Variants in SLX4IP observed in about 807,000 individuals in gnomAD.
SLX4IP encodes the protein protein SLX4IP.
In SLX4IP, 34 loss-of-function variants were observed where a neutral mutation model predicts 32.9. The observed-to-expected ratio is 1.03, with a 90% CI of 0.79 to 1.38. The LOEUF (loss-of-function observed/expected upper bound fraction) is 1.38, where lower values mean the gene tolerates loss of function less well. Ranked by LOEUF, SLX4IP falls within the 40% of genes most tolerant of loss-of-function variation. SLX4IP has a pLI of 0.00. For synonymous variants in SLX4IP, 172 were observed against 171.7 expected (o/e 1.00, Z -0.01); for missense variants, 444 against 479.0 (o/e 0.93, Z 0.68).
chr20:10,550,736 G>A (rs941499638), intron 2 of SLX4IP, among the ~76,000 whole-genome samples: 2 of 152,160 alleles, frequency 1.3e-5, no homozygotes, highest in Non-Finnish European at 1.5e-5. Context: ...ACTCTTTTCC[G>A]TCTCCAAAGC....
intron 2 of SLX4IP, among the ~76,000 whole-genome samples, chr20:10,503,634 A>C (rs2065736787): frequency 6.6e-6 from 1 of 152,236 alleles, no homozygotes; most frequent in Admixed American, 6.5e-5. Context: ...GTTGTAACAA[A>C]CAACCACAAA....
intron 1 of SLX4IP, among the ~76,000 whole-genome samples, chr20:10,455,126 G>T (rs1234820856): frequency 1.3e-5 from 2 of 151,860 alleles, no homozygotes; most frequent in Non-Finnish European, 2.9e-5. Context: ...ATATATTCTG[G>T]ACATGAGTCC....
intron 2 of SLX4IP, among the ~76,000 whole-genome samples, chr20:10,491,859 AG>A (rs1217410389): frequency 6.6e-6 from 1 of 152,212 alleles, no homozygotes; most frequent in Non-Finnish European, 1.5e-5. Context: ...TTACCCCAGA[AG>A]TAACAGTTTT....
chr20:10,481,412 G>T (rs893732042), intron 2 of SLX4IP, among the ~76,000 whole-genome samples: 1 of 152,000 alleles, frequency 6.6e-6, no homozygotes, highest in South Asian at 2.1e-4. Flanking sequence ...CTTCTTCAGG[G>T]ATCTGTTCTC....
At chr20:10,549,048 C>T (rs993956573) in intron 2 of SLX4IP, among the ~76,000 whole-genome samples, 6 of 152,186 alleles carry the variant, frequency 3.9e-5, no homozygotes, top group Non-Finnish European at 7.3e-5. Context: ...CAGTGTTTCA[C>T]GTGAGTAACT....
rs1568781100 is a variant in SLX4IP at position 10,623,350 on chromosome 20, AAAAG to A, written c.1206_1209del (p.Lys402AsnfsTer31). Reference sequence around the variant, plus strand: ...TACAATTCAGAACAGCCCAACCAAGAAAAGAAAGAAATACGAAAGAGGCCATTAA... The same window carrying A: ...TACAATTCAGAACAGCCCAACCAAGAAAAGAAATACGAAAGAGGCCATTAA... On this transcript the variant is annotated frameshift_variant, in exon 8 of 8. Transcript: ENST00000334534. LOFTEE classifies it high-confidence loss of function. The A allele has an allele frequency of 1.2e-6, 2 of 1,611,676 alleles. No individual in the cohort carries two copies. The highest frequency in any genetic ancestry group is 1.7e-6 in the Non-Finnish European group (2 of 1,179,136).
intron 4 of SLX4IP, among the ~76,000 whole-genome samples, chr20:10,575,671 A>C (rs992942228): frequency 6.6e-6 from 1 of 151,878 alleles, no homozygotes; most frequent in Non-Finnish European, 1.5e-5. Context: ...CAAGAATTTC[A>C]GGTCCATTAC....
intron 4 of SLX4IP, among the ~76,000 whole-genome samples, chr20:10,572,773 G>A (rs1601018646): frequency 6.6e-6 from 1 of 152,238 alleles, no homozygotes; most frequent in East Asian, 1.9e-4. Flanking sequence ...GCTTATATCT[G>A]TAGCCAAAGT....
chr20:10,608,173 C>T (rs76054488), intron 6 of SLX4IP, among the ~76,000 whole-genome samples: 3,660 of 152,190 alleles, frequency 0.024, 100 homozygotes, highest in Admixed American at 0.088. Flanking sequence ...AATAGAACAA[C>T]TGGAAAAGGG....
intron 2 of SLX4IP, among the ~76,000 whole-genome samples, chr20:10,493,881 T>TTTTTTTTTG (rs2065646151): frequency 6.8e-6 from 1 of 147,368 alleles, no homozygotes; most frequent in African/African-American, 2.5e-5. Context: ...TTTTTTTTTT[T>TTTTTTTTTG]GAGTCAGGGT....
chr20:10,562,322 G>C (rs1469084190), intron 4 of SLX4IP, among the ~76,000 whole-genome samples: 1 of 152,164 alleles, frequency 6.6e-6, no homozygotes, highest in Non-Finnish European at 1.5e-5. Context: ...GAGGCCAGAA[G>C]GGGGATCTAG....
At chr20:10,488,009 G>A (rs185832093) in intron 2 of SLX4IP, among the ~76,000 whole-genome samples, 3 of 152,270 alleles carry the variant, frequency 2.0e-5, no homozygotes, top group African/African-American at 7.2e-5. Flanking sequence ...GGACCTATCA[G>A]CTGTGGTAGC....
At chr20:10,583,117 G>C (rs2066603826) in intron 4 of SLX4IP, among the ~76,000 whole-genome samples, 1 of 152,080 alleles carries the variant, frequency 6.6e-6, no homozygotes. Flanking sequence ...ACAGCATATA[G>C]CCAATGTTAT....
At chr20:10,476,327 T>A (rs866483861) in intron 2 of SLX4IP, among the ~76,000 whole-genome samples, 4 of 152,230 alleles carry the variant, frequency 2.6e-5, no homozygotes, top group Admixed American at 6.5e-5. Context: ...ATCTTAAATT[T>A]TGAAGCACTG....
intron 4 of SLX4IP, among the ~76,000 whole-genome samples, chr20:10,594,417 C>A (rs1047995280): frequency 6.6e-6 from 1 of 152,140 alleles, no homozygotes; most frequent in Non-Finnish European, 1.5e-5. Flanking sequence ...GAGGCATTTT[C>A]CCAGGCTCGT....
chr20:10,564,553 G>T (rs1380387003), intron 4 of SLX4IP, among the ~76,000 whole-genome samples: 1 of 152,176 alleles, frequency 6.6e-6, no homozygotes, highest in Non-Finnish European at 1.5e-5. Flanking sequence ...ATAAGCTGAA[G>T]TCTCTAGGCT....
intron 1 of SLX4IP, among the ~76,000 whole-genome samples, chr20:10,441,134 TA>T (rs2065156817): frequency 6.6e-6 from 1 of 152,212 alleles, no homozygotes; most frequent in Non-Finnish European, 1.5e-5. Context: ...GACTAGGTAT[TA>T]AATAAAAACT....
intron 2 of SLX4IP, among the ~76,000 whole-genome samples, chr20:10,500,110 T>C (rs958469676): frequency 6.6e-6 from 1 of 150,412 alleles, no homozygotes; most frequent in African/African-American, 2.4e-5. Context: ...TTTGAATTTA[T>C]GATGTTATGT....
chr20:10,560,908 A>G, intron 4 of SLX4IP, 88 bp downstream of exon 4: 3 of 1,270,536 alleles, frequency 2.4e-6, no homozygotes, highest in South Asian at 4.2e-5. Context: ...TCTGACTGTC[A>G]TGTTAGTATA....
Sources: allele counts gnomAD v4.1 joint callset (sites outside exome capture counted in the v4.1 genomes callset), GRCh38; gene constraint gnomAD v4.1.1; transcripts MANE v1.5; gene names NCBI Gene and HGNC (gene_info 2026-07-23, HGNC 2026-07-21).